MED12L: variants seen among roughly 807,000 people sequenced by gnomAD.
MED12L encodes the protein mediator of RNA polymerase II transcription subunit 12-like protein.
In MED12L, 60 loss-of-function variants were observed where a neutral mutation model predicts 281.3. That is an observed-to-expected ratio of 0.21 (90% CI 0.17 to 0.26). The LOEUF (loss-of-function observed/expected upper bound fraction) is 0.26, where lower values mean the gene tolerates loss of function less well. Among genes scored for constraint, MED12L ranks in the 10% least tolerant of loss-of-function variants. The pLI, the probability that MED12L is intolerant of heterozygous loss-of-function variation, is 1.00. For missense variants in MED12L, 2,146 were observed against 2,680.9 expected, an observed-to-expected ratio of 0.80 and a Z score of 4.41; for synonymous variants, 974 against 987.2, an observed-to-expected ratio of 0.99 and a Z score of 0.25.
Position 151,380,119 on chromosome 3 carries a change from T to C in MED12L, c.4485T>C (p.Ser1495=), listed in dbSNP as rs775364158. 5 of 1,585,704 alleles carry C rather than the reference T, an allele frequency of 3.2e-6. No homozygotes were observed. The highest frequency in any genetic ancestry group is 4.3e-6 in the Non-Finnish European group (5 of 1,167,320). ...ERDRQKQKSM[S]LLSQQPFLSL... ...ATTATTACTTCCTTTGTAGTATGTC[T>C]CTTTTGAGTCAACAACCCTTCCTCT... Residue 1495 remains serine, a synonymous_variant, in exon 32 of 45, where the codon TCT becomes TCC. Transcript: ENST00000687756.
chr3:151,164,012 G>C lies in MED12L; in HGVS notation c.1227G>C (p.Met409Ile), dbSNP rs747379317. 5 of 1,613,560 alleles carry C rather than the reference G, an allele frequency of 3.1e-6. No individual in the cohort carries two copies. Among genetic ancestry groups the C allele is most frequent in the Non-Finnish European group, 4.2e-6 (5 of 1,179,704 alleles). The change falls in exon 9 of 45, where the codon ATG becomes ATC. Residue 409 changes from methionine (M) to isoleucine (I), a missense_variant. Physicochemically the swap from Met to Ile is conservative, Grantham distance 10. Coordinates refer to ENST00000687756, the MANE Select transcript of MED12L (RefSeq NM_001393769.1). ...LLQVAPSSLPMPGGNTAFNQQ... is the reference protein window; with the variant it reads ...LLQVAPSSLPIPGGNTAFNQQ... The stretch of plus-strand genomic sequence containing the variant: ...AGGTGGCCCCGTCCAGCCTCCCCAT[G>C]CCGGGTGGGAACACGGCTTTCAATC...
chr3:151,198,638 T>C, intron 16 of MED12L: 1 of 1,614,090 alleles, frequency 6.2e-7, no homozygotes. Context: ...GACTTCTGTC[T>C]GGCTGAGGGT....
At chr3:151,269,840 A>C in intron 16 of MED12L, 1 of 446,886 alleles carries the variant, frequency 2.2e-6, no homozygotes, top group Admixed American at 2.6e-5. Flanking sequence ...TCAAACGCAG[A>C]GTAAAGTCAG....
At chr3:151,285,970 C>T (rs1382982294) in intron 16 of MED12L, among the ~76,000 whole-genome samples, 5 of 152,146 alleles carry the variant, frequency 3.3e-5, no homozygotes, top group African/African-American at 9.7e-5. Context: ...ATAAATTACC[C>T]AGTTTAAAGT....
chr3:151,382,733 C>G lies in MED12L; in HGVS notation c.4668C>G (p.Leu1556=), dbSNP rs145220212. Residue 1556 remains leucine, a synonymous_variant, in exon 33 of 45, where the codon CTC becomes CTG. Coordinates refer to ENST00000687756, the MANE Select transcript of MED12L (RefSeq NM_001393769.1). ...ARQMMHEALQ[L]RLNLVGGMFD... ...AGATGATGCACGAAGCATTGCAACTCCGCCTAAATTTGGTAAGTGACATTT... is the reference window on the plus strand; with the variant it reads ...AGATGATGCACGAAGCATTGCAACTGCGCCTAAATTTGGTAAGTGACATTT... 1.9e-6 allele frequency: 3 copies of G among 1,609,750 alleles called. No homozygotes were observed. In the African/African-American group the frequency reaches 4.0e-5, roughly 22 times the overall value.
chr3:151,181,096 T>C (rs1049294887), intron 11 of MED12L, among the ~76,000 whole-genome samples: 2 of 152,148 alleles, frequency 1.3e-5, no homozygotes, highest in African/African-American at 4.8e-5. Context: ...AATCTTTTTT[T>C]AAAGCCATTT....
At chr3:151,186,465 T>C (rs116013632) in intron 12 of MED12L, among the ~76,000 whole-genome samples, 1 of 152,306 alleles carries the variant, frequency 6.6e-6, no homozygotes, top group Non-Finnish European at 1.5e-5. Flanking sequence ...TTCCACCTCA[T>C]CTTGTGCCCT....
At position 151,185,466 on chromosome 3, in the gene MED12L, G is replaced by T. The variant is rs757118005; in HGVS notation, c.1626+5G>T. ...CAAGCAGAAATTGAGGCAGAGGTAGGTTCCATTTTCTTTCTGCTTGTTGAA... is the reference window on the plus strand; with the variant it reads ...CAAGCAGAAATTGAGGCAGAGGTAGTTTCCATTTTCTTTCTGCTTGTTGAA... On this transcript the variant is annotated splice_donor_5th_base_variant and intron_variant, in intron 12 of 44. Coordinates refer to ENST00000687756, the MANE Select transcript of MED12L (RefSeq NM_001393769.1). 1.9e-6 allele frequency: 3 copies of T among 1,613,504 alleles called. No homozygotes were observed. Among genetic ancestry groups the T allele is most frequent in the Non-Finnish European group, 2.5e-6 (3 of 1,179,754 alleles).
intron 16 of MED12L, among the ~76,000 whole-genome samples, chr3:151,293,513 T>A (rs1744547502): frequency 6.6e-6 from 1 of 151,386 alleles, no homozygotes; most frequent in Non-Finnish European, 1.5e-5. Flanking sequence ...TCATTCCTAC[T>A]TGCTTTTGGA....
chr3:151,110,607 TCTC>T (rs1711717386), intron 2 of MED12L, among the ~76,000 whole-genome samples: 1 of 152,240 alleles, frequency 6.6e-6, no homozygotes, highest in Non-Finnish European at 1.5e-5. Flanking sequence ...TCACTTAGTT[TCTC>T]TAGGTCCCTG....
chr3:151,370,988 G>A (rs1220916783), intron 26 of MED12L, among the ~76,000 whole-genome samples: 1 of 152,178 alleles, frequency 6.6e-6, no homozygotes, highest in East Asian at 1.9e-4. Context: ...GCAGAGCTTT[G>A]AGCCAGGTGG....
chr3:151,320,642 A>G (rs1168490604), intron 16 of MED12L, among the ~76,000 whole-genome samples: 1 of 152,186 alleles, frequency 6.6e-6, no homozygotes, highest in Non-Finnish European at 1.5e-5. Flanking sequence ...TTTTTCTGGT[A>G]TGAGAACTTC....
intron 2 of MED12L, among the ~76,000 whole-genome samples, chr3:151,107,880 A>G (rs1177684315): frequency 6.6e-6 from 1 of 152,130 alleles, no homozygotes; most frequent in African/African-American, 2.4e-5. Context: ...TCAAACGCAG[A>G]TCCATGTGAC....
chr3:151,220,580 T>A (rs1230091966), intron 16 of MED12L, among the ~76,000 whole-genome samples: 1 of 152,208 alleles, frequency 6.6e-6, no homozygotes, highest in African/African-American at 2.4e-5. Context: ...TGGGTCTTTC[T>A]GTGCTGTTCT....
chr3:151,351,084 C>T (rs193159149), intron 17 of MED12L, among the ~76,000 whole-genome samples: 1 of 152,284 alleles, frequency 6.6e-6, no homozygotes, highest in East Asian at 1.9e-4. Flanking sequence ...TAAACCACCT[C>T]TAGGAGCCCT....
At chr3:151,389,001 C>G (rs1303120668) in intron 37 of MED12L, among the ~76,000 whole-genome samples, 8 of 152,240 alleles carry the variant, frequency 5.3e-5, no homozygotes, top group Non-Finnish European at 7.4e-5. Flanking sequence ...TTATTGTTTA[C>G]CTATGTGAGA....
intron 5 of MED12L, among the ~76,000 whole-genome samples, chr3:151,128,290 T>G (rs1215670452): frequency 6.6e-6 from 1 of 152,238 alleles, no homozygotes; most frequent in East Asian, 1.9e-4. Flanking sequence ...GTCACAGCCT[T>G]CTAGCAGCTT....
At chr3:151,225,041 C>T (rs983112338) in intron 16 of MED12L, among the ~76,000 whole-genome samples, 6 of 152,052 alleles carry the variant, frequency 3.9e-5, no homozygotes, top group African/African-American at 1.4e-4. Context: ...TGTCATCAGC[C>T]TCCTAGCTTT....
chr3:151,425,971 G>A (rs1417880207), intron 43 of MED12L, among the ~76,000 whole-genome samples: 1 of 152,146 alleles, frequency 6.6e-6, no homozygotes, highest in African/African-American at 2.4e-5. Context: ...GGCACAGAGG[G>A]GAGAGATCAT....
Sources: allele counts gnomAD v4.1 joint callset (sites outside exome capture counted in the v4.1 genomes callset), GRCh38; gene constraint gnomAD v4.1.1; transcripts MANE v1.5; gene names NCBI Gene and HGNC (gene_info 2026-07-23, HGNC 2026-07-21).